Variants in JADE1 observed in about 807,000 individuals in gnomAD.
JADE1 encodes protein Jade-1.
A neutral mutation model predicts 81.8 loss-of-function variants in JADE1; 14 were observed. The ratio of observed to expected loss-of-function variants is 0.17; its 90% CI spans 0.11 to 0.27. The LOEUF is 0.27. JADE1 is among the 10% of genes least tolerant of loss of function. The pLI is 1.00. For missense variants in JADE1, 690 were observed against 1,047.9 expected, an observed-to-expected ratio of 0.66 and a Z score of 4.71; for synonymous variants, 353 against 391.9, an observed-to-expected ratio of 0.90 and a Z score of 1.17.
At chr4:128,822,124 G>A (rs545682100) in intron 1 of JADE1, among the ~76,000 whole-genome samples, 6 of 152,252 alleles carry the variant, frequency 3.9e-5, no homozygotes, top group East Asian at 1.9e-4. Context: ...ATGGTTGCTC[G>A]TTAGTTATAG....
chr4:128,849,251 C>T (rs1179567586), intron 5 of JADE1, 84 bp downstream of exon 5: 2 of 1,213,108 alleles, frequency 1.6e-6, no homozygotes, highest in African/African-American at 3.1e-5. Context: ...CAGAAAGCTC[C>T]TTATTGCCAG....
intron 1 of JADE1, 105 bp downstream of exon 1, chr4:128,809,982 ACGGCGGCGGCGG>A (rs778572627): frequency 2.5e-5 from 4 of 159,380 alleles, no homozygotes; most frequent in African/African-American, 4.9e-5. Flanking sequence ...CGCGGCGGCG[ACGGCGGCGGCGG>A]CGGCGGCGGC....
intron 8 of JADE1, among the ~76,000 whole-genome samples, chr4:128,860,510 C>T (rs1254165211): frequency 6.6e-6 from 1 of 152,206 alleles, no homozygotes; most frequent in Non-Finnish European, 1.5e-5. Flanking sequence ...AATTCAACTT[C>T]TCAGTTGGCT....
At chr4:128,856,399 C>T (rs940425898) in intron 7 of JADE1, among the ~76,000 whole-genome samples, 12 of 152,108 alleles carry the variant, frequency 7.9e-5, no homozygotes, top group South Asian at 4.1e-4. Context: ...CTTCCCATCG[C>T]GACTCTCACT....
Position 128,862,055 on chromosome 4 carries a change from G to A in JADE1, c.1333G>A (p.Glu445Lys), listed in dbSNP as rs201834567. 144 of 1,614,066 alleles carry A rather than the reference G, an allele frequency of 8.9e-5. No homozygotes were observed. Among genetic ancestry groups the A allele is most frequent in the Non-Finnish European group, 1.1e-4 (131 of 1,180,036 alleles). The change falls in exon 9 of 11, where the codon GAA becomes AAA. Residue 445 changes from glutamate (E) to lysine (K), a missense_variant. This residue lies in a region of JADE1 where 63 missense variants were observed against 138.4 expected (regional missense o/e 0.46). Transcript: ENST00000226319. ...TGCCAGGGCTCTGCGGCTGCCTGAG[G>A]AAGTAGTGGATTTCCTGTACCAGTA... ...DVARALRLPE[E>K]VVDFLYQYWK... is the part of the protein sequence containing the mutation.
intron 1 of JADE1, among the ~76,000 whole-genome samples, chr4:128,817,092 C>G: frequency 6.6e-6 from 1 of 152,070 alleles, no homozygotes; most frequent in East Asian, 1.9e-4. Context: ...CTCCTGACCT[C>G]AAGTGACCCA....
At chr4:128,859,256 ATG>A (rs1203791679) in intron 8 of JADE1, among the ~76,000 whole-genome samples, 1 of 151,428 alleles carries the variant, frequency 6.6e-6, no homozygotes, top group African/African-American at 2.4e-5. Flanking sequence ...ATATGTGTGC[ATG>A]TGTGGGGGTG....
intron 9 of JADE1, chr4:128,864,741 A>T (rs1731657553): frequency 3.0e-6 from 1 of 332,446 alleles, no homozygotes; most frequent in African/African-American, 2.2e-5. Flanking sequence ...GCATATGATC[A>T]TTCTCAGACT....
intron 8 of JADE1, 115 bp from the exon 9 acceptor site, chr4:128,861,589 C>CTT: frequency 1.7e-6 from 2 of 1,187,222 alleles, no homozygotes; most frequent in Non-Finnish European, 2.4e-6. Context: ...ATGGCACATG[C>CTT]TTGAAGCATG....
At chr4:128,831,447 G>A (rs1182515008) in intron 1 of JADE1, 1 of 369,682 alleles carries the variant, frequency 2.7e-6, no homozygotes, top group African/African-American at 2.1e-5. Flanking sequence ...AAGATTCCTG[G>A]AGTAGTTATA....
intron 1 of JADE1, among the ~76,000 whole-genome samples, chr4:128,819,709 C>T (rs1727383011): frequency 6.6e-6 from 1 of 152,226 alleles, no homozygotes; most frequent in Non-Finnish European, 1.5e-5. Context: ...GACCATCTTG[C>T]CATGAATCTG....
At chr4:128,811,310 G>A (rs1726335906) in intron 1 of JADE1, 3 of 152,484 alleles carry the variant, frequency 2.0e-5, no homozygotes, top group Non-Finnish European at 2.9e-5. Flanking sequence ...GGAGCGCGGC[G>A]GCGGGAGGCA....
At chr4:128,814,044 GAA>G (rs367892292) in intron 1 of JADE1, among the ~76,000 whole-genome samples, 3,378 of 140,510 alleles carry the variant, frequency 0.024, 114 homozygotes, top group African/African-American at 0.079. Context: ...TCATTTAAAA[GAA>G]AAAAAAAAAA....
rs1250703850 is a variant in JADE1, at chr4:128,846,100, C to T, written c.139-275C>T. On this transcript the variant is annotated intron_variant, in intron 3 of 10. Transcript: ENST00000226319. This position sits in a 1 kb window ranked among gnomAD's most constrained non-coding sequence, Gnocchi z 4.0. ...TGAACTGAGAGACATTTTTCAGAGGCGGACAACAAGATTTTTTGTTGTTTT... is the reference window on the plus strand; with the variant it reads ...TGAACTGAGAGACATTTTTCAGAGGTGGACAACAAGATTTTTTGTTGTTTT... Among the ~76,000 whole-genome samples the T allele has an allele frequency of 3.9e-5, 6 of 152,010 alleles. No homozygotes were observed. The highest frequency in any genetic ancestry group is 8.8e-5 in the Non-Finnish European group (6 of 67,994).
intron 1 of JADE1, among the ~76,000 whole-genome samples, chr4:128,826,994 A>G (rs554257382): frequency 6.6e-6 from 1 of 152,290 alleles, no homozygotes; most frequent in Admixed American, 6.5e-5. Flanking sequence ...ACTCTGTCCT[A>G]TCTTATCCTG....
At chr4:128,841,051 C>A in intron 2 of JADE1, among the ~76,000 whole-genome samples, 1 of 152,210 alleles carries the variant, frequency 6.6e-6, no homozygotes, top group East Asian at 1.9e-4. Flanking sequence ...TTCTTAAGGT[C>A]CCCAAGGTCT....
Position 128,859,339 on chromosome 4 carries a change from A to G in JADE1, c.981+1885A>G, listed in dbSNP as rs531745735. Among the ~76,000 whole-genome samples, 4 of 151,916 alleles carry G rather than the reference A, an allele frequency of 2.6e-5. No individual in the cohort carries two copies. The East Asian group carries it at 5.8e-4, about 22-fold the overall frequency. On this transcript the variant is annotated intron_variant, in intron 8 of 10. Coordinates refer to ENST00000226319, the MANE Select transcript of JADE1 (RefSeq NM_199320.4). ...GGTTATGCATATGTATGCTGTATGC[A>G]TGTATGCGTATTTGAGTATGCGTGT...
intron 7 of JADE1, 48 bp from the exon 8 acceptor site, chr4:128,857,290 G>C: frequency 1.5e-6 from 2 of 1,375,836 alleles, no homozygotes; most frequent in Non-Finnish European, 2.1e-6. Context: ...TTCATGTTCA[G>C]CCTTTGACGA....
At chr4:128,868,710 G>GC (rs1466619860) in intron 10 of JADE1, among the ~76,000 whole-genome samples, 20 of 152,268 alleles carry the variant, frequency 1.3e-4, no homozygotes, top group African/African-American at 4.8e-4. Context: ...CCCCTTAAGT[G>GC]CATTTGAGCC....
Sources: gnomAD v4.1 joint callset for allele counts (sites outside exome capture counted in the v4.1 genomes callset) on GRCh38, gnomAD v4.1.1 for gene constraint, gnomAD v4.1.1 regional missense constraint, Gnocchi (gnomAD v3.1) non-coding constraint, MANE v1.5 for transcripts, NCBI Gene and HGNC (gene_info 2026-07-23, HGNC 2026-07-21) for gene names.